Variants in LRRC37B observed in about 807,000 individuals in gnomAD.
LRRC37B encodes the protein leucine rich repeat containing 37B, also known as leucine-rich repeat-containing protein 37B.
A neutral mutation model predicts 98.3 loss-of-function variants in LRRC37B; 28 were observed. The ratio of observed to expected loss-of-function variants is 0.28; its 90% confidence interval spans 0.21 to 0.39. The LOEUF is 0.39. Ranked by LOEUF, LRRC37B falls within the 10% of genes least tolerant of loss-of-function variation. LRRC37B has a pLI of 1.00. For synonymous variants in LRRC37B, 364 were observed against 442.7 expected, an observed-to-expected ratio of 0.82 and a Z score of 2.23; for missense variants, 938 against 1,182.7, an observed-to-expected ratio of 0.79 and a Z score of 3.03.
chr17:32,007,820 G>A (rs1319093401), upstream of LRRC37B: 4 of 1,180,702 alleles, frequency 3.4e-6, no homozygotes, highest in African/African-American at 4.8e-5. The surrounding 1 kb of genome is among the most constrained non-coding windows in gnomAD (Gnocchi z 4.1). Flanking sequence ...GCAGTAGCCG[G>A]AGGAAGCCAC....
intron 1 of LRRC37B, 22 bp downstream of exon 4, chr17:32,022,847 T>C (rs1910842285): frequency 3.7e-6 from 6 of 1,607,390 alleles, no homozygotes; most frequent in Non-Finnish European, 4.3e-6. Flanking sequence ...CTTTCCTCAA[T>C]CATCCTCTGT....
intron 11 of LRRC37B, chr17:32,051,589 G>C (rs1911762511): frequency 6.6e-6 from 1 of 152,086 alleles, no homozygotes; most frequent in Admixed American, 6.6e-5. Context: ...CCATATGAGA[G>C]ACTTCAGAGG....
upstream of LRRC37B, among the ~76,000 whole-genome samples, chr17:32,019,688 A>T (rs1051192576): frequency 6.6e-6 from 1 of 152,106 alleles, no homozygotes; most frequent in Admixed American, 6.5e-5. Flanking sequence ...TTCCCTGTAA[A>T]ATAATTATTT....
rs61698144 is a variant in LRRC37B, at chr17:32,040,778, C to T, written c.2205-4922C>T. 1.6e-3 allele frequency: 1,329 copies of T among 837,376 alleles called. 10 individuals are homozygous for T. In the African/African-American group the frequency reaches 0.019, roughly 12 times the overall value. 51.9% of individuals were successfully genotyped at this position (837,376 alleles called of 1,614,324 possible). On this transcript the variant is annotated intron_variant, in intron 7 of 11. Coordinates refer to ENST00000327564, the Ensembl canonical transcript of LRRC37B. The stretch of plus-strand genomic sequence containing the variant: ...TCAGTGACGCACTGCTGGATGCCGG[C>T]GAGTCCATGAAGCACCTGGCAGAGG...
intron 5 of LRRC37B, 73 bp from the exon 9 acceptor site, chr17:32,034,837 A>C (rs1291876069): frequency 8.4e-7 from 1 of 1,197,446 alleles, no homozygotes; most frequent in Non-Finnish European, 1.2e-6. Flanking sequence ...CATACCAAAA[A>C]ATGAATATAG....
intron 7 of LRRC37B, chr17:32,041,051 G>A (rs1325430499): frequency 1.3e-6 from 1 of 770,206 alleles, no homozygotes; most frequent in Non-Finnish European, 2.4e-6. Flanking sequence ...CCAACATTGA[G>A]CAGGTGAGTC....
chr17:32,035,011 G>A, intron 6 of LRRC37B, 30 bp downstream of exon 9: 1 of 1,401,210 alleles, frequency 7.1e-7, no homozygotes, highest in Non-Finnish European at 9.9e-7. Flanking sequence ...CATGAGTCAT[G>A]AGATGATTTA....
At chr17:32,044,669 C>A (rs1486419953) in intron 7 of LRRC37B, among the ~76,000 whole-genome samples, 1 of 152,024 alleles carries the variant, frequency 6.6e-6, no homozygotes, top group Non-Finnish European at 1.5e-5. Context: ...CACTTGAGTC[C>A]AGTTTTAGAC....
chr17:32,035,748 C>T, intron 7 of LRRC37B, 109 bp downstream of exon 10: 1 of 1,180,724 alleles, frequency 8.5e-7, no homozygotes, highest in Non-Finnish European at 1.2e-6. Context: ...TAACATTCAC[C>T]CTTTATAAGT....
At chr17:32,039,556 A>T (rs1163937146) in intron 7 of LRRC37B, among the ~76,000 whole-genome samples, 3 of 115,742 alleles carry the variant, frequency 2.6e-5, no homozygotes, top group Non-Finnish European at 4.9e-5. Flanking sequence ...CTATATATAT[A>T]TTCTATATAT....
In LRRC37B at chr17:32,027,847, T is replaced by G. The variant is rs763559176; in HGVS notation, c.1904+7T>G. 2.9e-5 allele frequency: 47 copies of G among 1,598,772 alleles called. No homozygotes were observed. The Middle Eastern group carries it at 6.8e-4, about 23-fold the overall frequency. ...TGCTATACCTCCAGTATTTGTAAGT[T>G]AGTTAATCATATTTTTGAGTTTTTA... On this transcript the variant is annotated splice_region_variant and intron_variant, in intron 3 of 11. Coordinates refer to ENST00000327564, the Ensembl canonical transcript of LRRC37B.
chr17:32,038,673 G>A (rs1166284234), intron 7 of LRRC37B, among the ~76,000 whole-genome samples: 1 of 152,000 alleles, frequency 6.6e-6, no homozygotes, highest in Non-Finnish European at 1.5e-5. Flanking sequence ...CCTGGCCAAC[G>A]TGGCAAAACC....
intron 7 of LRRC37B, chr17:32,040,469 A>G (rs915465809): frequency 6.4e-6 from 4 of 624,770 alleles, no homozygotes; most frequent in Non-Finnish European, 9.0e-6. Flanking sequence ...CAGTTCTACA[A>G]GGCAAGCCAG....
chr17:32,015,670 A>T (rs1910633238), intron 1 of LRRC37B, among the ~76,000 whole-genome samples: 2 of 152,220 alleles, frequency 1.3e-5, no homozygotes, highest in South Asian at 2.1e-4. Flanking sequence ...GGTTTCTGGG[A>T]TTTAATCTTG....
intron 1 of LRRC37B, among the ~76,000 whole-genome samples, chr17:32,014,046 C>T (rs781130576): frequency 1.3e-5 from 2 of 152,094 alleles, no homozygotes; most frequent in Non-Finnish European, 2.9e-5. Context: ...CAATTACCAC[C>T]AAAATATCAA....
At chr17:32,010,306 C>T (rs1440604370) in intron 1 of LRRC37B, among the ~76,000 whole-genome samples, 2 of 152,130 alleles carry the variant, frequency 1.3e-5, no homozygotes, top group Non-Finnish European at 2.9e-5. Flanking sequence ...ATAGCTGTTC[C>T]GATAAAACTT....
At chr17:32,040,674 C>T (rs1231181262) in intron 7 of LRRC37B, 5 of 779,652 alleles carry the variant, frequency 6.4e-6, no homozygotes, top group Non-Finnish European at 1.2e-5. Flanking sequence ...GGTGAAGAAC[C>T]CCGGCTACCC....
At chr17:32,011,272 G>A (rs1358586058) in intron 1 of LRRC37B, among the ~76,000 whole-genome samples, 1 of 152,168 alleles carries the variant, frequency 6.6e-6, no homozygotes, top group Non-Finnish European at 1.5e-5. Flanking sequence ...TGGGATTACA[G>A]GTGTGAGCCA....
chr17:32,048,417 C>G (rs1290204965), intron 9 of LRRC37B, among the ~76,000 whole-genome samples: 2 of 149,898 alleles, frequency 1.3e-5, no homozygotes, highest in Non-Finnish European at 3.0e-5. Flanking sequence ...ACCATCTACA[C>G]CAAGCCTTCA....
Sources: allele counts gnomAD v4.1 joint callset (sites outside exome capture counted in the v4.1 genomes callset), GRCh38; gene constraint gnomAD v4.1.1; non-coding constraint Gnocchi (gnomAD v3.1); transcripts MANE v1.5; gene names NCBI Gene and HGNC (gene_info 2026-07-23, HGNC 2026-07-21).